DMD: variants seen among roughly 807,000 people sequenced by gnomAD.
DMD encodes the protein mutant dystrophin.
DMD carries 63 observed loss-of-function variants against 330.1 expected under a neutral mutation model. That is an observed-to-expected ratio of 0.19 (90% CI 0.16 to 0.24). The LOEUF (loss-of-function observed/expected upper bound fraction) is 0.24, where lower values mean the gene tolerates loss of function less well. Ranked by LOEUF, DMD falls within the 10% of genes least tolerant of loss-of-function variation. DMD has a pLI of 1.00. For missense variants in DMD, 3,344 were observed against 2,684.1 expected, an observed-to-expected ratio of 1.25 and a Z score of -5.43; for synonymous variants, 1,223 against 959.8, an observed-to-expected ratio of 1.27 and a Z score of -5.07.
At chrX:31,850,532 C>A (rs960138334) in intron 48 of DMD, among the ~76,000 whole-genome samples, 3 of 112,252 alleles carry the variant, frequency 2.7e-5, no homozygotes, top group Non-Finnish European at 5.6e-5. Flanking sequence ...TGTGGCAGCT[C>A]TTAGCTGGAA....
At chrX:32,212,886 T>C (rs2097098245) in intron 44 of DMD, among the ~76,000 whole-genome samples, 1 of 111,470 alleles carries the variant, frequency 9.0e-6, no homozygotes, top group South Asian at 3.8e-4. Flanking sequence ...TTTTGTCTTT[T>C]ACTTGCGACA....
intron 9 of DMD, 122 bp from the exon 10 acceptor site, chrX:32,645,274 C>A: frequency 2.7e-6 from 2 of 741,536 alleles, no homozygotes; most frequent in Non-Finnish European, 3.9e-6. Context: ...CATTATCAAA[C>A]ACAGGAACAG....
At chrX:32,223,933 T>C (rs1165092313) in intron 43 of DMD, among the ~76,000 whole-genome samples, 1 of 111,862 alleles carries the variant, frequency 8.9e-6, no homozygotes, top group Non-Finnish European at 1.9e-5. Context: ...AGTTATTTAC[T>C]ATAAAGTGAT....
intron 17 of DMD, among the ~76,000 whole-genome samples, chrX:32,518,667 G>A (rs1377423087): frequency 9.0e-6 from 1 of 110,806 alleles, no homozygotes; most frequent in Non-Finnish European, 1.9e-5. Context: ...CACATTCTGA[G>A]AAGACAACAA....
At chrX:33,081,954 G>A (rs1187186633) in intron 1 of DMD, among the ~76,000 whole-genome samples, 2 of 107,207 alleles carry the variant, frequency 1.9e-5, no homozygotes, top group Non-Finnish European at 3.8e-5. Context: ...GTTTCATGTG[G>A]AAAACAGTTT....
Position 31,177,960 on chromosome X carries a change from G to C in DMD, c.10234C>G (p.Leu3412Val). 1.7e-6 allele frequency: 2 copies of C among 1,207,741 alleles called. No homozygotes were observed. The highest frequency in any genetic ancestry group is 1.7e-5 in the African/African-American group (1 of 57,659). The change falls in exon 71 of 79, where the codon CTG (leucine) becomes GTG (valine). Residue 3412 changes from leucine (L) to valine (V), a missense_variant. Coordinates refer to ENST00000357033, the MANE Select transcript of DMD (RefSeq NM_004006.3). ...GAATCTACTGGCCAGAAGTTGATCAGAGTAACGGGACTGCAAAACAAAAAA... is the reference window on the plus strand; with the variant it reads ...GAATCTACTGGCCAGAAGTTGATCACAGTAACGGGACTGCAAAACAAAAAA... ...EGDNMETPVT[L>V]INFWPVDSAP...
chrX:32,242,766 C>T (rs72626025), intron 43 of DMD, among the ~76,000 whole-genome samples: 16,011 of 109,645 alleles, frequency 0.15, 979 homozygotes, highest in Admixed American at 0.26. Context: ...ATAATAATAT[C>T]ATGTAGTTAG....
At chrX:33,121,945 G>C (rs766254573) in intron 1 of DMD, among the ~76,000 whole-genome samples, 1 of 112,269 alleles carries the variant, frequency 8.9e-6, no homozygotes, top group Non-Finnish European at 1.9e-5. Flanking sequence ...GCTTAAATCA[G>C]CCGGCCATGG....
rs59686294 is a variant in DMD, at chrX:32,076,052, CAAAAAAAAAAAAAAAAA to C, written c.6439-107555_6439-107539del. On this transcript the variant is annotated intron_variant, in intron 44 of 78. Coordinates refer to ENST00000357033, the MANE Select transcript of DMD (RefSeq NM_004006.3). ...TGGGTGACAGAACGAGACTCTGTCT[CAAAAAAAAAAAAAAAAA>C]AAAAAAAAAAAAAAAAAAGAGAGAG... Among the ~76,000 whole-genome samples the C allele has an allele frequency of 1.1e-3, 21 of 18,761 alleles. 1 individual carries two copies. The highest frequency in any genetic ancestry group is 2.0e-3 in the Admixed American group (2 of 997). 16.3% of individuals were successfully genotyped at this position (18,761 alleles called of 115,157 possible).
chrX:32,203,682 C>T (rs1001339304), intron 44 of DMD, among the ~76,000 whole-genome samples: 1 of 111,965 alleles, frequency 8.9e-6, no homozygotes, highest in Non-Finnish European at 1.9e-5. Context: ...CTCCATTTGA[C>T]AGCCGCTTGC....
chrX:33,095,663 T>A (rs2095147941), intron 1 of DMD, among the ~76,000 whole-genome samples: 1 of 111,915 alleles, frequency 8.9e-6, no homozygotes, highest in African/African-American at 3.2e-5. Flanking sequence ...CTCCAGAATA[T>A]AAACCTGTCA....
intron 41 of DMD, among the ~76,000 whole-genome samples, chrX:32,336,298 G>A (rs1247702779): frequency 9.0e-6 from 1 of 111,300 alleles, no homozygotes; most frequent in African/African-American, 3.3e-5. Context: ...TTACAGTTGT[G>A]AGCCACCACG....
intron 29 of DMD, among the ~76,000 whole-genome samples, chrX:32,432,601 A>G (rs914856173): frequency 5.3e-5 from 6 of 112,207 alleles, no homozygotes; most frequent in Non-Finnish European, 9.4e-5. Flanking sequence ...TATTTCATAA[A>G]GCAAATGTGG....
intron 45 of DMD, among the ~76,000 whole-genome samples, chrX:31,961,068 G>C (rs994487420): frequency 4.5e-5 from 5 of 112,255 alleles, no homozygotes; most frequent in African/African-American, 1.6e-4. Flanking sequence ...TACAGTGAGA[G>C]TAGGATAAAC....
At chrX:31,329,912 A>G (rs948459096) in intron 61 of DMD, among the ~76,000 whole-genome samples, 2 of 94,303 alleles carry the variant, frequency 2.1e-5, no homozygotes, top group Admixed American at 1.3e-4. Flanking sequence ...TGGAGGTTGC[A>G]GTCAGCTGAG....
chrX:31,941,875 T>C, intron 45 of DMD, among the ~76,000 whole-genome samples: 1 of 112,195 alleles, frequency 8.9e-6, no homozygotes, highest in East Asian at 2.8e-4. Flanking sequence ...ATGCTTTTTA[T>C]GACTGTGTAG....
At chrX:33,272,895 A>G (rs1417910640) in intron 1 of DMD, among the ~76,000 whole-genome samples, 7 of 111,594 alleles carry the variant, frequency 6.3e-5, no homozygotes, top group African/African-American at 2.3e-4. Flanking sequence ...TGGAATATTG[A>G]CAAATCCTAA....
chrX:32,203,681 A>G (rs1422545140), intron 44 of DMD, among the ~76,000 whole-genome samples: 1 of 111,947 alleles, frequency 8.9e-6, no homozygotes. Context: ...CCTCCATTTG[A>G]CAGCCGCTTG....
chrX:32,582,496 C>A (rs901348294), intron 13 of DMD, among the ~76,000 whole-genome samples: 1 of 111,649 alleles, frequency 9.0e-6, no homozygotes, highest in East Asian at 2.8e-4. Context: ...AAAGACCTAA[C>A]TAAATGAAAG....
Sources: gnomAD v4.1 joint callset for allele counts (sites outside exome capture counted in the v4.1 genomes callset) on GRCh38, gnomAD v4.1.1 for gene constraint, MANE v1.5 for transcripts, NCBI Gene and HGNC (gene_info 2026-07-23, HGNC 2026-07-21) for gene names.